The following ANK2 variants were observed in gnomAD, a reference collection of about 807,000 sequenced individuals.
ANK2 encodes ankyrin 2, also known as ankyrin-2.
Under a neutral mutation model 360.5 loss-of-function variants are expected in ANK2, and 83 were observed. The ratio of observed to expected loss-of-function variants is 0.23; its 90% CI spans 0.19 to 0.28. The LOEUF (loss-of-function observed/expected upper bound fraction) is 0.28, where lower values mean the gene tolerates loss of function less well. Among genes scored for constraint, ANK2 ranks in the 10% least tolerant of loss-of-function variants. The probability of loss-of-function intolerance (pLI) is 1.00; values close to 1 mark genes in which losing one functional copy is unlikely to be tolerated. For synonymous variants in ANK2, 1,740 were observed against 1,759.5 expected (o/e 0.99, Z 0.28); for missense variants, 4,201 against 4,795.7 (o/e 0.88, Z 3.66).
intron 2 of ANK2, among the ~76,000 whole-genome samples, chr4:112,939,292 CA>C (rs2094006455): frequency 6.6e-6 from 1 of 151,920 alleles, no homozygotes; most frequent in Admixed American, 6.6e-5. Context: ...GGGAATAGTT[CA>C]TTCTTTCTTT....
intron 1 of ANK2, among the ~76,000 whole-genome samples, chr4:113,057,017 G>A (rs995472981): frequency 1.3e-5 from 2 of 152,096 alleles, no homozygotes; most frequent in African/African-American, 4.8e-5. Context: ...TGTTTCTTCC[G>A]AACACATGGG....
At chr4:112,726,495 C>A in the ANK2 span, among the ~76,000 whole-genome samples, 1 of 152,046 alleles carries the variant, frequency 6.6e-6, no homozygotes, top group Non-Finnish European at 1.5e-5. Context: ...TTCCCACCCC[C>A]ACCTTGCCAT....
rs755751855 is a variant in ANK2, at chr4:113,293,432, CTCTT to C, written c.2377-7_2377-4del. 1.3e-5 allele frequency: 21 copies of C among 1,610,954 alleles called. No homozygotes were observed. The highest frequency in any genetic ancestry group is 1.8e-5 in the Non-Finnish European group (21 of 1,178,042). On this transcript the variant is annotated splice_region_variant and splice_polypyrimidine_tract_variant and intron_variant, in intron 21 of 45. Transcript: ENST00000357077. Reference sequence around the variant, plus strand: ...TTTCTCACTCTCTCTCTTTCACTCTCTCTTCAGAATGGCAACACTGCCTTGGCGA... The same window carrying C: ...TTTCTCACTCTCTCTCTTTCACTCTCCAGAATGGCAACACTGCCTTGGCGA...
chr4:112,771,812 C>T, the ANK2 span, among the ~76,000 whole-genome samples: 2 of 152,128 alleles, frequency 1.3e-5, no homozygotes, highest in Non-Finnish European at 2.9e-5. Flanking sequence ...GTCTCGATCT[C>T]CTGACCTCGT....
chr4:113,067,248 A>G (rs1172571154), intron 1 of ANK2, among the ~76,000 whole-genome samples: 1 of 152,150 alleles, frequency 6.6e-6, no homozygotes, highest in Non-Finnish European at 1.5e-5. Flanking sequence ...ACTAAGATGT[A>G]GCAGTATGTG....
At chr4:113,317,971 A>G (rs376077048) in intron 25 of ANK2, among the ~76,000 whole-genome samples, 162 bp downstream of exon 25, 2 of 152,216 alleles carry the variant, frequency 1.3e-5, no homozygotes, top group African/African-American at 4.8e-5. Context: ...AAACATGAAA[A>G]ATGTTCACTA....
rs1318521098 is a variant in ANK2, at chr4:112,829,978, A to T, written c.-40+11714A>T. On this transcript the variant is annotated intron_variant, in intron 1 of 30. Transcript: ENST00000503271. ...CGTCTCAAAAAAATAAAAATAAAAA[A>T]TAAAAAAAAAGTCAAAAAATAACAG... 3.5e-3 allele frequency among the ~76,000 whole-genome samples: 537 copies of T among 151,888 alleles called. 3 individuals are homozygous for T. Among genetic ancestry groups the T allele is most frequent in the Middle Eastern group, 0.017 (5 of 294 alleles).
At chr4:112,836,962 A>G (rs1050301541) in intron 1 of ANK2, among the ~76,000 whole-genome samples, 2 of 152,262 alleles carry the variant, frequency 1.3e-5, no homozygotes, top group African/African-American at 4.8e-5. Flanking sequence ...TTCAAGCCAG[A>G]TGCATAAATT....
rs927533605 is a variant in ANK2, at chr4:113,353,463, A to G, written c.4845A>G (p.Pro1615=). 1 of 1,614,002 alleles carries G rather than the reference A, an allele frequency of 6.2e-7. No individual in the cohort carries two copies. The highest frequency in any genetic ancestry group is 8.5e-7 in the Non-Finnish European group (1 of 1,179,982). The change falls in exon 38 of 46, where the codon CCA becomes CCG. Residue 1615 remains proline (P), a synonymous_variant. Transcript: ENST00000357077. ...QKAPLEITEY[P]CVEVRIDKEI... is the part of the protein sequence containing the mutation. ...CACCTTTAGAAATCACTGAATATCC[A>G]TGTGTAGAAGTTAGAATAGATAAAG...
intron 3 of ANK2, among the ~76,000 whole-genome samples, chr4:113,198,434 T>C (rs1461342084): frequency 2.0e-5 from 3 of 152,188 alleles, no homozygotes; most frequent in Admixed American, 6.5e-5. Context: ...TTATTTTTCA[T>C]TGGTGTTAGT....
chr4:112,949,184 C>T (rs780010236), intron 2 of ANK2, among the ~76,000 whole-genome samples: 3 of 152,106 alleles, frequency 2.0e-5, no homozygotes, highest in Non-Finnish European at 4.4e-5. Context: ...TCGCTGATTT[C>T]ATCTTGAAAG....
chr4:112,919,802 A>G (rs1561098560), intron 2 of ANK2, among the ~76,000 whole-genome samples: 1 of 152,206 alleles, frequency 6.6e-6, no homozygotes, highest in Non-Finnish European at 1.5e-5. Context: ...CTTTAAGTGC[A>G]TTATATCTGC....
intron 19 of ANK2, among the ~76,000 whole-genome samples, chr4:113,288,091 T>C (rs2065603997): frequency 6.6e-6 from 1 of 152,204 alleles, no homozygotes. Context: ...AAGCCTGCTG[T>C]AGCTACATGT....
chr4:113,213,955 ATT>A lies in ANK2; in HGVS notation c.384+14857_384+14858del, dbSNP rs67221812. On this transcript the variant is annotated intron_variant, in intron 4 of 45. Transcript: ENST00000357077. ...GAAACGACAAAATGCTGTTTTATTT[ATT>A]TTTTTTTTTTATTTTTTTTTTAAGT... 3.4e-5 allele frequency: 17 copies of A among 496,436 alleles called. 2 individuals are homozygous for A. The African/African-American group carries it at 8.6e-4, about 25-fold the overall frequency. 30.8% of individuals were successfully genotyped at this position (496,436 alleles called of 1,614,324 possible). A position where few individuals can be genotyped will look rare whatever the true frequency, so the allele number is the denominator to read the frequency against.
At chr4:112,918,747 CT>C (rs1280400919) in intron 2 of ANK2, among the ~76,000 whole-genome samples, 1 of 152,088 alleles carries the variant, frequency 6.6e-6, no homozygotes, top group Admixed American at 6.6e-5. Context: ...TTTTTGTATC[CT>C]TTAATTTTCA....
chr4:112,779,363 GA>G, the ANK2 span, among the ~76,000 whole-genome samples: 10 of 151,940 alleles, frequency 6.6e-5, no homozygotes, highest in Non-Finnish European at 1.5e-4. Flanking sequence ...CTGAAAAATA[GA>G]AAAAATTAGC....
chr4:112,736,453 A>C, the ANK2 span, among the ~76,000 whole-genome samples: 4 of 135,632 alleles, frequency 2.9e-5, no homozygotes, highest in African/African-American at 1.2e-4. Context: ...CAACAGAGCA[A>C]GACTCCGTCT....
chr4:112,897,720 G>C (rs2082155657), intron 1 of ANK2, among the ~76,000 whole-genome samples: 1 of 152,160 alleles, frequency 6.6e-6, no homozygotes, highest in Non-Finnish European at 1.5e-5. Context: ...TTTGGGACCT[G>C]TAATACCAAG....
chr4:112,767,602 A>AATAAATAAATAATAC, the ANK2 span, among the ~76,000 whole-genome samples: 2 of 152,176 alleles, frequency 1.3e-5, no homozygotes, highest in South Asian at 2.1e-4. Flanking sequence ...ATAAATAATA[A>AATAAATAAATAATAC]AACATGGTGC....
Sources: allele counts gnomAD v4.1 joint callset (sites outside exome capture counted in the v4.1 genomes callset), GRCh38; gene constraint gnomAD v4.1.1; transcripts MANE v1.5; gene names NCBI Gene and HGNC (gene_info 2026-07-23, HGNC 2026-07-21).